Variants in MUC13 observed in about 807,000 individuals in gnomAD.
The protein encoded by MUC13 is mucin-13.
In MUC13, 32 loss-of-function variants were observed where a neutral mutation model predicts 48.3. The ratio of observed to expected loss-of-function variants is 0.66; its 90% confidence interval spans 0.50 to 0.89. The LOEUF is 0.89. MUC13 is among the 40% of genes least tolerant of loss of function. MUC13 has a pLI of 0.00. For missense variants in MUC13, 571 were observed against 622.8 expected (o/e 0.92, Z 0.88); for synonymous variants, 199 against 224.9 (o/e 0.88, Z 1.03).
chr3:124,926,488 G>A (rs140983192), intron 2 of MUC13, among the ~76,000 whole-genome samples: 18 of 152,242 alleles, frequency 1.2e-4, no homozygotes, highest in African/African-American at 4.1e-4. Context: ...TGAAAGATTG[G>A]GGAAAGAGGT....
intron 5 of MUC13, among the ~76,000 whole-genome samples, chr3:124,918,480 C>G (rs1375087417): frequency 6.6e-6 from 1 of 152,194 alleles, no homozygotes; most frequent in Non-Finnish European, 1.5e-5. Context: ...ACTGCAGGGT[C>G]CCATATTCTA....
chr3:124,915,930 A>T (rs1216093454), intron 6 of MUC13, among the ~76,000 whole-genome samples: 1 of 152,202 alleles, frequency 6.6e-6, no homozygotes, highest in Non-Finnish European at 1.5e-5. Flanking sequence ...CGCCCATCTC[A>T]GCCTTCCAAA....
chr3:124,912,247 T>C lies in MUC13; in HGVS notation c.1215-106A>G, dbSNP rs1002975603. ...CTCTTCCTTTCCATCTTCCTTTTAT[T>C]CTGTCCTCCCTTGCTTTTTTTCCTC... On this transcript the variant is annotated intron_variant, in intron 8 of 11. Transcript: ENST00000616727. 3 of 1,505,414 alleles carry C rather than the reference T, an allele frequency of 2.0e-6. No individual in the cohort carries two copies. In the African/African-American group the frequency reaches 4.2e-5, roughly 21 times the overall value. 93.3% of individuals were successfully genotyped at this position (1,505,414 alleles called of 1,614,324 possible). A position where few individuals can be genotyped will look rare whatever the true frequency, so the allele number is the denominator to read the frequency against.
chr3:124,909,138 A>T (rs1043971000), intron 10 of MUC13, among the ~76,000 whole-genome samples: 2 of 151,656 alleles, frequency 1.3e-5, no homozygotes, highest in African/African-American at 2.4e-5. Context: ...TGGGCGACAG[A>T]CCAAGACTCT....
intron 2 of MUC13, among the ~76,000 whole-genome samples, chr3:124,925,574 A>C (rs1935672826): frequency 6.6e-6 from 1 of 152,130 alleles, no homozygotes; most frequent in African/African-American, 2.4e-5. Context: ...CCTTTCTCTA[A>C]ATCTTGCTGT....
chr3:124,925,545 T>C (rs1452423297), intron 2 of MUC13, among the ~76,000 whole-genome samples: 1 of 151,950 alleles, frequency 6.6e-6, no homozygotes, highest in African/African-American at 2.4e-5. Flanking sequence ...GGCCAGGGAG[T>C]ATATGGGAAA....
At chr3:124,922,068 T>C in intron 4 of MUC13, 129 bp downstream of exon 4, 1 of 1,103,814 alleles carries the variant, frequency 9.1e-7, no homozygotes, top group Non-Finnish European at 1.3e-6. Context: ...CCAGTAAAGG[T>C]ACATTTCACT....
chr3:124,929,054 C>G (rs1407231461), intron 1 of MUC13, among the ~76,000 whole-genome samples: 1 of 152,162 alleles, frequency 6.6e-6, no homozygotes, highest in Non-Finnish European at 1.5e-5. Context: ...AATAAGTGAT[C>G]TTTGCCCTCT....
intron 10 of MUC13, among the ~76,000 whole-genome samples, chr3:124,909,485 C>CATGT (rs372823172): frequency 5.3e-4 from 79 of 148,450 alleles, no homozygotes; most frequent in African/African-American, 1.4e-3. Context: ...TGTGTGCTTG[C>CATGT]GTGTGTGTGT....
At chr3:124,929,283 C>T (rs1429664033) in intron 1 of MUC13, among the ~76,000 whole-genome samples, 1 of 151,850 alleles carries the variant, frequency 6.6e-6, no homozygotes, top group Non-Finnish European at 1.5e-5. Flanking sequence ...CTCAAGTGAT[C>T]CTCCCACCTT....
At position 124,905,950 on chromosome 3, in the gene MUC13, C is replaced by T. The variant is rs72976403; in HGVS notation, c.*793G>A. On this transcript the variant is annotated 3_prime_UTR_variant, in exon 12 of 12. Coordinates refer to ENST00000616727, the MANE Select transcript of MUC13 (RefSeq NM_033049.4). ...TCCTCTCTAATTGATCCTCCCCACC[C>T]AGTTTCCTTTGCCTCTCTTCCTTCT... 0.024 allele frequency: 3,624 copies of T among 152,784 alleles called. 133 individuals are homozygous for T. Among genetic ancestry groups the T allele is most frequent in the African/African-American group, 0.083 (3,438 of 41,542 alleles). The allele number at this position is 152,784 out of a possible 1,614,324, so 9.5% of individuals were successfully genotyped here.
At chr3:124,912,266 T>A in intron 8 of MUC13, 125 bp from the exon 9 acceptor site, 1 of 1,411,186 alleles carries the variant, frequency 7.1e-7, no homozygotes, top group Non-Finnish European at 9.6e-7. Flanking sequence ...CCTTGCTTTT[T>A]TTCCTCTTTC....
rs1018067162 is a variant in MUC13 at position 124,918,012 on chromosome 3, C to G, written c.801-1532G>C. Among the ~76,000 whole-genome samples, 2 of 152,116 alleles carry G rather than the reference C, an allele frequency of 1.3e-5. 1 individual carries two copies. Among genetic ancestry groups the G allele is most frequent in the Non-Finnish European group, 2.9e-5 (2 of 68,014 alleles). On this transcript the variant is annotated intron_variant, in intron 5 of 11. Transcript: ENST00000616727. ...CCACTGCACACTTGAGTATAAATGA[C>G]GAGGGCACTAGGCTTGGAGTTAAGA...
chr3:124,922,461 A>G (rs1045329551), intron 3 of MUC13, among the ~76,000 whole-genome samples, 158 bp from the exon 4 acceptor site: 1 of 152,060 alleles, frequency 6.6e-6, no homozygotes, highest in African/African-American at 2.4e-5. Context: ...ATCCTGCCCA[A>G]CCTAGCACAA....
intron 5 of MUC13, among the ~76,000 whole-genome samples, chr3:124,919,337 C>CAA (rs566468497): frequency 1.3e-3 from 115 of 91,398 alleles, no homozygotes; most frequent in East Asian, 7.0e-3. Flanking sequence ...GATTCCATCT[C>CAA]AAAAAAAAAA....
chr3:124,911,276 C>G (rs938996149), intron 9 of MUC13, among the ~76,000 whole-genome samples: 1 of 152,176 alleles, frequency 6.6e-6, no homozygotes, highest in African/African-American at 2.4e-5. Context: ...TAGACCTCTT[C>G]GTCTCTTTCT....
At chr3:124,918,289 G>A (rs149824032) in intron 5 of MUC13, among the ~76,000 whole-genome samples, 199 of 152,272 alleles carry the variant, frequency 1.3e-3, no homozygotes, top group African/African-American at 4.4e-3. Flanking sequence ...AGCCCCAGGT[G>A]CATTTGCCCT....
At chr3:124,934,602 T>C (rs200549609) in intron 1 of MUC13, 59 bp downstream of exon 1, 3 of 1,260,310 alleles carry the variant, frequency 2.4e-6, no homozygotes, top group Admixed American at 1.7e-5. Flanking sequence ...GGCCTGCTGA[T>C]TCTACCTCAA....
At chr3:124,913,939 G>A (rs1254203563) in intron 6 of MUC13, among the ~76,000 whole-genome samples, 1 of 152,132 alleles carries the variant, frequency 6.6e-6, no homozygotes, top group Non-Finnish European at 1.5e-5. Flanking sequence ...GCAAGCTCCT[G>A]TAGTCCCAGC....
Sources: gnomAD v4.1 joint callset for allele counts (sites outside exome capture counted in the v4.1 genomes callset) on GRCh38, gnomAD v4.1.1 for gene constraint, MANE v1.5 for transcripts, NCBI Gene and HGNC (gene_info 2026-07-23, HGNC 2026-07-21) for gene names.